Variants in SCAF4 observed in about 807,000 individuals in gnomAD.
SCAF4 encodes SR-related and CTD-associated factor 4.
SCAF4 carries 25 observed loss-of-function variants against 129.8 expected under a neutral mutation model. The ratio of observed to expected loss-of-function variants is 0.19; its 90% CI spans 0.14 to 0.27. SCAF4 has a LOEUF of 0.27. SCAF4 is among the 10% of genes least tolerant of loss of function. The probability of loss-of-function intolerance (pLI) is 1.00; values close to 1 mark genes in which losing one functional copy is unlikely to be tolerated. For missense variants in SCAF4, 1,246 were observed against 1,457.1 expected, an observed-to-expected ratio of 0.86 and a Z score of 2.36; for synonymous variants, 551 against 497.7, an observed-to-expected ratio of 1.11 and a Z score of -1.43.
intron 8 of SCAF4, 82 bp from the exon 9 acceptor site, chr21:31,696,303 T>C (rs1322998965): frequency 9.6e-7 from 1 of 1,037,736 alleles, no homozygotes; most frequent in African/African-American, 1.6e-5. Context: ...CAGAGTGTTG[T>C]TCATGAGTCA....
At chr21:31,696,268 C>T in intron 8 of SCAF4, 47 bp from the exon 9 acceptor site, 1 of 1,400,376 alleles carries the variant, frequency 7.1e-7, no homozygotes, top group South Asian at 1.2e-5. Context: ...GCACAAGCTT[C>T]TCAGCCACAC....
chr21:31,732,109 G>A lies in SCAF4; in HGVS notation c.-417C>T. ...GCAGCGGCCCGAGTCCACGCCGCGC[G>A]GGGCACCCTGGGACGGCTCAGGCCT... On this transcript the variant is annotated 5_prime_UTR_variant, in exon 1 of 20. Coordinates refer to ENST00000286835, the MANE Select transcript of SCAF4 (RefSeq NM_020706.2). The A allele has an allele frequency of 2.5e-6, 1 of 405,132 alleles. No individual in the cohort carries two copies. The highest frequency in any genetic ancestry group is 4.3e-6 in the Non-Finnish European group (1 of 231,430). The allele number at this position is 405,132 out of a possible 1,614,324, so 25.1% of individuals were successfully genotyped here. A position where few individuals can be genotyped will look rare whatever the true frequency, so the allele number is the denominator to read the frequency against.
intron 1 of SCAF4, chr21:31,706,568 T>G (rs2050669005): frequency 1.9e-6 from 1 of 537,094 alleles, no homozygotes. Flanking sequence ...AGAAGAAGGT[T>G]AGCTCTGCCA....
chr21:31,731,009 T>C lies in SCAF4; in HGVS notation c.30+654A>G, dbSNP rs778948953. Among the ~76,000 whole-genome samples the C allele has an allele frequency of 5.0e-4, 76 of 152,228 alleles. 2 individuals carry two copies. The highest frequency in any genetic ancestry group is 1.4e-3 in the South Asian group (7 of 4,838). On this transcript the variant is annotated intron_variant, in intron 1 of 19. Transcript: ENST00000286835. ...CTTTTTAGGCGTCACGTTGGGGCCA[T>C]AGAGCCTATAAGAGGGTTATGTTCA...
chr21:31,728,689 A>G (rs574371175), intron 1 of SCAF4, among the ~76,000 whole-genome samples: 6 of 152,274 alleles, frequency 3.9e-5, no homozygotes, highest in African/African-American at 1.4e-4. Flanking sequence ...TTGGTCTTAT[A>G]TTAATTCCTT....
At chr21:31,686,347 C>T (rs375120627) in intron 16 of SCAF4, among the ~76,000 whole-genome samples, 11 of 151,880 alleles carry the variant, frequency 7.2e-5, no homozygotes, top group African/African-American at 2.7e-4. Flanking sequence ...TAAAATGTTC[C>T]ATGGTCCTTT....
chr21:31,729,231 A>G (rs1305399099), intron 1 of SCAF4, among the ~76,000 whole-genome samples: 1 of 152,216 alleles, frequency 6.6e-6, no homozygotes, highest in East Asian at 1.9e-4. Context: ...CTTACTTTCC[A>G]GTAGCCTTCA....
chr21:31,680,167 C>CTA (rs2049964145), intron 19 of SCAF4, among the ~76,000 whole-genome samples: 2 of 152,202 alleles, frequency 1.3e-5, no homozygotes, highest in Admixed American at 1.3e-4. Flanking sequence ...CAGACTTGCA[C>CTA]TCTGGAGCAG....
At chr21:31,692,652 T>C (rs567334807) in intron 12 of SCAF4, among the ~76,000 whole-genome samples, 15 of 152,214 alleles carry the variant, frequency 9.9e-5, no homozygotes, top group African/African-American at 1.4e-4. Flanking sequence ...GTGAAAGATA[T>C]ACATAAAAGT....
In SCAF4 at chr21:31,671,980, C is replaced by CCTGCGGCTGTGG; in HGVS notation, c.2851_2862dup (p.Pro951_Gln954dup). 6.2e-7 allele frequency: 1 copy of CCTGCGGCTGTGG among 1,611,398 alleles called. No individual in the cohort carries two copies. Among genetic ancestry groups the CCTGCGGCTGTGG allele is most frequent in the Non-Finnish European group, 8.5e-7 (1 of 1,178,050 alleles). On this transcript the variant is annotated inframe_insertion, in exon 20 of 20. Coordinates refer to ENST00000286835, the MANE Select transcript of SCAF4 (RefSeq NM_020706.2). Reference sequence around the variant, plus strand: ...TGCTGCTGCTGTGGTTGCTGGGGCGCCTGCGGCTGTGGCTGCTGCTGTGGC... The same window carrying CCTGCGGCTGTGG: ...TGCTGCTGCTGTGGTTGCTGGGGCGCCTGCGGCTGTGGCTGCGGCTGTGGCTGCTGCTGTGGC...
rs1385278591 is a variant in SCAF4, at chr21:31,671,288, C to G, written c.*111G>C. On this transcript the variant is annotated 3_prime_UTR_variant, in exon 20 of 20. Coordinates refer to ENST00000286835, the MANE Select transcript of SCAF4 (RefSeq NM_020706.2). Reference sequence around the variant, plus strand: ...AATCAAATTGCTTACAGTTCCCCACCAGCTGGCGCGGGGCTGCAGTACAGC... The same window carrying G: ...AATCAAATTGCTTACAGTTCCCCACGAGCTGGCGCGGGGCTGCAGTACAGC... The G allele has an allele frequency of 8.1e-7, 1 of 1,236,728 alleles. No homozygotes were observed. The highest frequency in any genetic ancestry group is 1.9e-5 in the South Asian group (1 of 51,732). The allele number at this position is 1,236,728 out of a possible 1,614,324, so 76.6% of individuals were successfully genotyped here. A position where few individuals can be genotyped will look rare whatever the true frequency, so the allele number is the denominator to read the frequency against.
intron 1 of SCAF4, among the ~76,000 whole-genome samples, chr21:31,726,528 G>A (rs190448042): frequency 1.3e-5 from 2 of 152,278 alleles, no homozygotes; most frequent in African/African-American, 4.8e-5. Context: ...AGCCAGGCAT[G>A]GTGGCAGAGG....
chr21:31,683,201 TC>T (rs1034599033), intron 19 of SCAF4, among the ~76,000 whole-genome samples: 2 of 152,158 alleles, frequency 1.3e-5, no homozygotes, highest in Non-Finnish European at 2.9e-5. Context: ...TAACAAATGT[TC>T]CCCTCTCATG....
At chr21:31,679,451 T>G (rs1052912456) in intron 19 of SCAF4, among the ~76,000 whole-genome samples, 3 of 152,124 alleles carry the variant, frequency 2.0e-5, no homozygotes, top group African/African-American at 7.2e-5. Context: ...CCAATAACAT[T>G]TAGGCCTATT....
chr21:31,703,894 A>G lies in SCAF4; in HGVS notation c.192T>C (p.Tyr64=), dbSNP rs765743989. The G allele has an allele frequency of 1.3e-6, 2 of 1,590,976 alleles. No homozygotes were observed. Among genetic ancestry groups the G allele is most frequent in the African/African-American group, 1.3e-5 (1 of 74,728 alleles). The change falls in exon 4 of 20, where the codon TAT becomes TAC. Residue 64 remains tyrosine (Y), a synonymous_variant. Coordinates refer to ENST00000286835, the MANE Select transcript of SCAF4 (RefSeq NM_020706.2). Reference sequence around the variant, plus strand: ...ACTGTCGCACAATTGAGTCAATTACATATAATCCCGGAACCTTGTATTCTG... The same window carrying G: ...ACTGTCGCACAATTGAGTCAATTACGTATAATCCCGGAACCTTGTATTCTG... The part of the protein sequence containing the change: ...CKPEYKVPGL[Y]VIDSIVRQSR...
intron 1 of SCAF4, among the ~76,000 whole-genome samples, chr21:31,717,750 C>T (rs1242287348): frequency 3.4e-5 from 5 of 148,212 alleles, no homozygotes; most frequent in Non-Finnish European, 7.4e-5. Flanking sequence ...CAAATCCTTA[C>T]AATAACTGAA....
intron 19 of SCAF4, among the ~76,000 whole-genome samples, chr21:31,675,546 C>G (rs1421312789): frequency 1.3e-5 from 2 of 152,130 alleles, no homozygotes; most frequent in Non-Finnish European, 2.9e-5. Context: ...GCGGATGCAG[C>G]TGTCAACGCA....
intron 1 of SCAF4, among the ~76,000 whole-genome samples, chr21:31,729,876 C>T (rs2051305511): frequency 6.6e-6 from 1 of 152,132 alleles, no homozygotes; most frequent in South Asian, 2.1e-4. Flanking sequence ...ACTGATTGTG[C>T]CTTTTCAGGA....
chr21:31,714,192 G>A (rs764102931), intron 1 of SCAF4, among the ~76,000 whole-genome samples: 15 of 152,022 alleles, frequency 9.9e-5, no homozygotes, highest in Non-Finnish European at 1.9e-4. Flanking sequence ...GGAATGACTC[G>A]TACTATGTCA....
Sources: allele counts gnomAD v4.1 joint callset (sites outside exome capture counted in the v4.1 genomes callset), GRCh38; gene constraint gnomAD v4.1.1; transcripts MANE v1.5; gene names NCBI Gene and HGNC (gene_info 2026-07-23, HGNC 2026-07-21).